Variants in DMXL1 observed in about 807,000 individuals in gnomAD.
DMXL1 encodes dmX-like protein 1.
Under a neutral mutation model 319.2 loss-of-function variants are expected in DMXL1, and 99 were observed. The observed-to-expected ratio is 0.31, with a 90% CI of 0.26 to 0.37. The LOEUF (loss-of-function observed/expected upper bound fraction) is 0.37, where lower values mean the gene tolerates loss of function less well. Ranked by LOEUF, DMXL1 falls within the 10% of genes least tolerant of loss-of-function variation. The pLI, the probability that DMXL1 is intolerant of heterozygous loss-of-function variation, is 1.00. For synonymous variants in DMXL1, 1,385 were observed against 1,235.2 expected, an observed-to-expected ratio of 1.12 and a Z score of -2.54; for missense variants, 3,745 against 3,595.6, an observed-to-expected ratio of 1.04 and a Z score of -1.06.
At chr5:119,225,532 G>T (rs941523469) in intron 38 of DMXL1, among the ~76,000 whole-genome samples, 2 of 151,900 alleles carry the variant, frequency 1.3e-5, no homozygotes. Context: ...TAATTAATGG[G>T]TATTCATGTC....
At chr5:119,240,975 G>T (rs1344226011) in intron 42 of DMXL1, among the ~76,000 whole-genome samples, 1 of 152,084 alleles carries the variant, frequency 6.6e-6, no homozygotes, top group African/African-American at 2.4e-5. Context: ...ATATACAGTT[G>T]ACCCTTGAAC....
intron 9 of DMXL1, among the ~76,000 whole-genome samples, chr5:119,124,170 C>G (rs1762951440): frequency 6.6e-6 from 1 of 151,686 alleles, no homozygotes; most frequent in African/African-American, 2.4e-5. Flanking sequence ...AAAAAATTAG[C>G]CAGGTGTGGT....
chr5:119,200,253 T>C (rs990559861), intron 32 of DMXL1, among the ~76,000 whole-genome samples: 1 of 152,198 alleles, frequency 6.6e-6, no homozygotes, highest in African/African-American at 2.4e-5. Flanking sequence ...TTTTTGTGTA[T>C]GTTGCAAGGA....
chr5:119,099,233 T>TG (rs1213961983), intron 2 of DMXL1, among the ~76,000 whole-genome samples: 2 of 151,970 alleles, frequency 1.3e-5, no homozygotes, highest in Non-Finnish European at 2.9e-5. Flanking sequence ...GTTTTTCAGA[T>TG]GGAGTCTCGC....
intron 8 of DMXL1, 50 bp from the exon 9 acceptor site, chr5:119,120,921 G>A (rs760585898): frequency 2.9e-5 from 42 of 1,436,590 alleles, no homozygotes; most frequent in African/African-American, 5.6e-5. Context: ...TAACCTATAC[G>A]TGTATGACTT....
chr5:119,246,858 C>G (rs1287049194), intron 43 of DMXL1, 137 bp from the exon 44 acceptor site: 1 of 587,672 alleles, frequency 1.7e-6, no homozygotes, highest in African/African-American at 1.9e-5. Context: ...GTCTTGAACT[C>G]CTTACCTTAG....
chr5:119,126,348 T>A (rs1763570935), intron 9 of DMXL1, among the ~76,000 whole-genome samples: 1 of 152,210 alleles, frequency 6.6e-6, no homozygotes, highest in African/African-American at 2.4e-5. Context: ...ATGGAACGTT[T>A]ATATTATAAT....
intron 10 of DMXL1, among the ~76,000 whole-genome samples, chr5:119,130,509 A>G (rs1482764475): frequency 2.6e-5 from 4 of 151,908 alleles, no homozygotes; most frequent in African/African-American, 9.7e-5. Context: ...CACCTGGCTA[A>G]TTTTTTTATT....
chr5:119,178,534 G>T (rs1487824848), intron 28 of DMXL1: 1 of 854,500 alleles, frequency 1.2e-6, no homozygotes, highest in South Asian at 5.4e-5. Context: ...ATTGGTTTTT[G>T]TTCTATCCCA....
intron 29 of DMXL1, among the ~76,000 whole-genome samples, chr5:119,192,787 A>G (rs1778924774): frequency 6.6e-6 from 1 of 151,844 alleles, no homozygotes; most frequent in Non-Finnish European, 1.5e-5. Context: ...CTTCTGTTTG[A>G]CACATAAATC....
chr5:119,170,287 T>A lies in DMXL1; in HGVS notation c.5496T>A (p.Asp1832Glu). The stretch of plus-strand genomic sequence containing the variant: ...TGAGACGTCATTTTGGATCATCTGA[T>A]ACATTTTCCACACATATGAGCCTAA... Reference protein sequence around the residue: ...LLLRRHFGSSDTFSTHMSLTG... With the variant: ...LLLRRHFGSSETFSTHMSLTG... Residue 1832 changes from aspartate (D) to glutamate (E), a missense_variant, in exon 24 of 44, where the codon GAT becomes GAA. Around this residue, in one of 4 missense-constraint regions of DMXL1, gnomAD observed 1,382 missense variants for 1,269.5 expected, o/e 1.09. Coordinates refer to ENST00000539542, the MANE Select transcript of DMXL1 (RefSeq NM_001290321.3). 3 of 1,613,904 alleles carry A rather than the reference T, an allele frequency of 1.9e-6. No individual in the cohort carries two copies. The highest frequency in any genetic ancestry group is 2.5e-6 in the Non-Finnish European group (3 of 1,179,952).
intron 13 of DMXL1, among the ~76,000 whole-genome samples, chr5:119,137,383 T>G (rs1766257799): frequency 6.6e-6 from 1 of 152,220 alleles, no homozygotes; most frequent in Non-Finnish European, 1.5e-5. Flanking sequence ...CAGATGATAC[T>G]TTGGACTTGG....
intron 1 of DMXL1, among the ~76,000 whole-genome samples, chr5:119,079,637 G>A (rs1024541889): frequency 2.0e-5 from 3 of 151,920 alleles, no homozygotes; most frequent in Non-Finnish European, 4.4e-5. Context: ...ATGCTAATTT[G>A]AATCAACAGA....
chr5:119,106,133 G>T (rs1242196074), intron 4 of DMXL1, among the ~76,000 whole-genome samples: 1 of 152,108 alleles, frequency 6.6e-6, no homozygotes, highest in Non-Finnish European at 1.5e-5. Flanking sequence ...TCACATATCT[G>T]GGCCTTGCTG....
At chr5:119,179,979 TTTAG>T (rs1183250403) in intron 28 of DMXL1, among the ~76,000 whole-genome samples, 1 of 152,194 alleles carries the variant, frequency 6.6e-6, no homozygotes, top group African/African-American at 2.4e-5. Flanking sequence ...CTCACAACTA[TTTAG>T]TTCTGCCCTT....
intron 40 of DMXL1, 29 bp from the exon 41 acceptor site, chr5:119,238,960 G>T (rs762962074): frequency 1.7e-5 from 28 of 1,612,178 alleles, no homozygotes; most frequent in East Asian, 1.3e-4. Flanking sequence ...AGTGAGAGGA[G>T]TAACACGTAT....
chr5:119,224,458 A>G (rs1379226799), intron 37 of DMXL1, among the ~76,000 whole-genome samples: 1 of 152,076 alleles, frequency 6.6e-6, no homozygotes, highest in Non-Finnish European at 1.5e-5. Flanking sequence ...ATTGACAAGA[A>G]AGGAGGGAAG....
intron 26 of DMXL1, 101 bp from the exon 27 acceptor site, chr5:119,177,256 A>G (rs927154280): frequency 8.3e-5 from 62 of 748,482 alleles, no homozygotes; most frequent in Admixed American, 1.4e-4. Flanking sequence ...TACTAGCAGT[A>G]TAATTAATAA....
At chr5:119,134,470 A>T in intron 13 of DMXL1, 81 bp downstream of exon 13, 1 of 1,173,054 alleles carries the variant, frequency 8.5e-7, no homozygotes. Context: ...ATGTTCTACA[A>T]TTGTGACCTA....
Sources: allele counts gnomAD v4.1 joint callset (sites outside exome capture counted in the v4.1 genomes callset), GRCh38; gene constraint gnomAD v4.1.1; regional missense constraint gnomAD v4.1.1; transcripts MANE v1.5; gene names NCBI Gene and HGNC (gene_info 2026-07-23, HGNC 2026-07-21).